Variants in GDF1 observed in about 807,000 individuals in gnomAD.
GDF1 encodes growth differentiation factor 1.
A neutral mutation model predicts 7.4 loss-of-function variants in GDF1; 8 were observed. The ratio of observed to expected loss-of-function variants is 1.09; its 90% CI spans 0.64 to 1.96. The LOEUF (loss-of-function observed/expected upper bound fraction) is 1.96. Ranked by LOEUF, GDF1 falls within the 30% of genes most tolerant of loss-of-function variation. The pLI, the probability that GDF1 is intolerant of heterozygous loss-of-function variation, is 0.00. For synonymous variants in GDF1, 311 were observed against 276.7 expected, an observed-to-expected ratio of 1.12 and a Z score of -1.23; for missense variants, 574 against 551.5, an observed-to-expected ratio of 1.04 and a Z score of -0.41.
chr19:18,875,233 CT>C (rs1252828028), intron 6 of GDF1, among the ~76,000 whole-genome samples: 3 of 140,846 alleles, frequency 2.1e-5, no homozygotes, highest in Non-Finnish European at 4.5e-5. Context: ...GGGACCGTCT[CT>C]AAAAAAAAAA....
Position 18,870,226 on chromosome 19 carries a change from G to A in GDF1, c.82C>T (p.Arg28Cys), listed in dbSNP as rs1601146689. The change falls in exon 7 of 8, where the codon CGC (arginine) becomes TGC (cysteine). Residue 28 changes from arginine to cysteine, a missense_variant. Physicochemically the swap from Arg to Cys is radical, Grantham distance 180. Coordinates refer to ENST00000247005, the MANE Select transcript of GDF1 (RefSeq NM_001492.6). This position sits in a 1 kb window ranked among gnomAD's most constrained non-coding sequence, Gnocchi z 5.1. The part of the protein sequence containing the change: ...ALLLPSLPLT[R>C]APVPPGPAAA... ...GCTGGGCCTGGGGGCACGGGGGCGCGGGTCAGGGGCAGCGAGGGCAGCAGC... is the reference window on the plus strand; with the variant it reads ...GCTGGGCCTGGGGGCACGGGGGCGCAGGTCAGGGGCAGCGAGGGCAGCAGC... 16 of 1,554,950 alleles carry A rather than the reference G, an allele frequency of 1.0e-5. No homozygotes were observed. Among genetic ancestry groups the A allele is most frequent in the Non-Finnish European group, 1.4e-5 (16 of 1,154,674 alleles).
chr19:18,888,811 CAA>C (rs2146052452), intron 2 of GDF1, among the ~76,000 whole-genome samples: 1 of 151,356 alleles, frequency 6.6e-6, no homozygotes, highest in Non-Finnish European at 1.5e-5. Context: ...GCCTGGGCAA[CAA>C]GAGCGAAACT....
Position 18,878,772 on chromosome 19 carries a change from T to A in GDF1, c.-313+158A>T. On this transcript the variant is annotated intron_variant, in intron 6 of 7. Transcript: ENST00000247005. This position sits in a 1 kb window ranked among gnomAD's most constrained non-coding sequence, Gnocchi z 4.6. ...GTCCTTCAGGGTACTGGCCACATCG[T>A]CCACGCCTTTATTGCAGTCTCTGTT... 6.9e-7 allele frequency: 1 copy of A among 1,450,872 alleles called. No individual in the cohort carries two copies. The highest frequency in any genetic ancestry group is 9.1e-7 in the Non-Finnish European group (1 of 1,101,130). 89.9% of individuals were successfully genotyped at this position (1,450,872 alleles called of 1,614,324 possible).
At position 18,869,998 on chromosome 19, in the gene GDF1, G is replaced by T; in HGVS notation, c.310C>A (p.His104Asn). 1 of 1,595,280 alleles carries T rather than the reference G, an allele frequency of 6.3e-7. No homozygotes were observed. Residue 104 changes from histidine (H) to asparagine (N), a missense_variant, in exon 7 of 8, where the codon CAC becomes AAC. Transcript: ENST00000247005. ...CCCCACTCACCGCGGTCCGGGATGT[G>T]GCGCACGATGTTTCCGGCGACCCCC... ...ELGVAGNIVR[H>N]IPDRGAPTRA...
rs954036926 is a variant in GDF1 at position 18,879,036 on chromosome 19, T to C, written c.-419A>G. Reference sequence around the variant, plus strand: ...AACACCTTGGCTGCAAACGCCACGATGTACTGCGAGAGGGGAGGGGAGGTG... The same window carrying C: ...AACACCTTGGCTGCAAACGCCACGACGTACTGCGAGAGGGGAGGGGAGGTG... On this transcript the variant is annotated 5_prime_UTR_variant, in exon 6 of 8. Transcript: ENST00000247005. 6.2e-7 allele frequency: 1 copy of C among 1,613,420 alleles called. No individual in the cohort carries two copies. Among genetic ancestry groups the C allele is most frequent in the Non-Finnish European group, 8.5e-7 (1 of 1,179,812 alleles).
intron 2 of GDF1, among the ~76,000 whole-genome samples, chr19:18,892,856 C>T (rs1006636421): frequency 4.6e-5 from 7 of 152,160 alleles, no homozygotes; most frequent in Non-Finnish European, 8.8e-5. Context: ...TTGGGGCTGG[C>T]TTAACTTCTG....
chr19:18,868,731 G>C lies in GDF1; in HGVS notation c.985C>G (p.Pro329Ala). 1 of 1,534,320 alleles carries C rather than the reference G, an allele frequency of 6.5e-7. No individual in the cohort carries two copies. The highest frequency in any genetic ancestry group is 8.8e-7 in the Non-Finnish European group (1 of 1,137,058). The part of the protein sequence containing the change: ...VLRALMHAAA[P>A]GAADLPCCVP... ...CAGCAGGGCAGGTCGGCGGCTCCCG[G>C]GGCGGCCGCGTGCATGAGCGCGCGC... Residue 329 changes from proline to alanine, a missense_variant, in exon 8 of 8, where the codon CCG becomes GCG. Pro to Ala is a conservative substitution (Grantham distance 27). Transcript: ENST00000247005.
Position 18,878,801 on chromosome 19 carries a change from GA to G in GDF1, c.-313+128del, listed in dbSNP as rs2056115234. 2 of 1,479,868 alleles carry G rather than the reference GA, an allele frequency of 1.4e-6. No individual in the cohort carries two copies. The highest frequency in any genetic ancestry group is 5.0e-5 in the East Asian group (2 of 40,216). 91.7% of individuals were successfully genotyped at this position (1,479,868 alleles called of 1,614,324 possible). A position where few individuals can be genotyped will look rare whatever the true frequency, so the allele number is the denominator to read the frequency against. ...CGCCTTTATTGCAGTCTCTGTTTTG[GA>G]GTAGGCTTGGGGGGCAGCATCCGCG... On this transcript the variant is annotated intron_variant, in intron 6 of 7. Transcript: ENST00000247005. The surrounding 1 kb of genome is among the most constrained non-coding windows in gnomAD (Gnocchi z 4.6).
At position 18,878,979 on chromosome 19, in the gene GDF1, G is replaced by T. The variant is rs770285954; in HGVS notation, c.-362C>A. 1 of 1,613,782 alleles carries T rather than the reference G, an allele frequency of 6.2e-7. No homozygotes were observed. Among genetic ancestry groups the T allele is most frequent in the East Asian group, 2.2e-5 (1 of 44,886 alleles). ...TGGGCCTCGGCTGTGTCATACTCCC[G>T]CAGGTCCTTCAGCTCGTGCACCTGG... On this transcript the variant is annotated 5_prime_UTR_variant, in exon 6 of 8. Transcript: ENST00000247005. This position sits in a 1 kb window ranked among gnomAD's most constrained non-coding sequence, Gnocchi z 4.6.
rs140175484 is a variant in GDF1 at position 18,877,463 on chromosome 19, G to A, written c.-313+1467C>T. ...CCTAGCTGATCTCTGGAGAATTCCC[G>A]ACTCAGGCCGGCTGCAGTGGCTCAT... is the stretch of plus-strand genomic sequence containing the variant. On this transcript the variant is annotated intron_variant, in intron 6 of 7. Transcript: ENST00000247005. Among the ~76,000 whole-genome samples the A allele has an allele frequency of 1.4e-4, 21 of 152,264 alleles. No homozygotes were observed. In the East Asian group the frequency reaches 1.7e-3, roughly 13 times the overall value.
In GDF1 at chr19:18,870,320, C is replaced by G; in HGVS notation, c.-13G>C. ...GCGGCGGTGGCATCTTCCTCCCAGG[C>G]GATGACCAGAGAGTGCGCAGGGTCC... On this transcript the variant is annotated 5_prime_UTR_variant, in exon 7 of 8. Coordinates refer to ENST00000247005, the MANE Select transcript of GDF1 (RefSeq NM_001492.6). This position sits in a 1 kb window ranked among gnomAD's most constrained non-coding sequence, Gnocchi z 5.1. 1 of 1,544,962 alleles carries G rather than the reference C, an allele frequency of 6.5e-7. No homozygotes were observed. Among genetic ancestry groups the G allele is most frequent in the Non-Finnish European group, 8.7e-7 (1 of 1,146,336 alleles).
At chr19:18,888,489 GC>G (rs2056413260) in intron 2 of GDF1, among the ~76,000 whole-genome samples, 1 of 132,042 alleles carries the variant, frequency 7.6e-6, no homozygotes, top group Non-Finnish European at 1.5e-5. Context: ...CCACACTCCA[GC>G]CTGGGCGACA....
chr19:18,885,527 T>G (rs1008577582), intron 2 of GDF1, among the ~76,000 whole-genome samples: 15 of 148,618 alleles, frequency 1.0e-4, no homozygotes, highest in Admixed American at 2.0e-4. Context: ...TTTTTTTTTT[T>G]TTTTTTTTTT....
intron 6 of GDF1, among the ~76,000 whole-genome samples, chr19:18,875,406 G>T (rs2145999952): frequency 6.6e-6 from 1 of 152,134 alleles, no homozygotes; most frequent in South Asian, 2.1e-4. Flanking sequence ...AGCTGGGTCT[G>T]GTGACACACG....
intron 2 of GDF1, among the ~76,000 whole-genome samples, chr19:18,886,937 T>C (rs560514825): frequency 1.3e-5 from 2 of 152,254 alleles, no homozygotes; most frequent in Admixed American, 6.5e-5. Flanking sequence ...CCCATGACTG[T>C]TTGTCCACTC....
chr19:18,893,900 G>T (rs2056560037), intron 1 of GDF1, among the ~76,000 whole-genome samples: 1 of 151,586 alleles, frequency 6.6e-6, no homozygotes, highest in Non-Finnish European at 1.5e-5. Context: ...GCCCAAGGGA[G>T]TTGGGCTGGT....
At chr19:18,872,933 A>G (rs1393269093) in intron 6 of GDF1, among the ~76,000 whole-genome samples, 1 of 152,226 alleles carries the variant, frequency 6.6e-6, no homozygotes, top group Non-Finnish European at 1.5e-5. Flanking sequence ...TATGGGCGTG[A>G]GCCACCATGC....
chr19:18,887,545 G>A (rs1016848744), intron 2 of GDF1, among the ~76,000 whole-genome samples: 1 of 152,148 alleles, frequency 6.6e-6, no homozygotes, highest in Non-Finnish European at 1.5e-5. Context: ...AGGAGTTGGA[G>A]ACCAGCCTGG....
At chr19:18,883,788 G>A (rs527570221) in intron 3 of GDF1, among the ~76,000 whole-genome samples, 2 of 152,256 alleles carry the variant, frequency 1.3e-5, no homozygotes, top group East Asian at 3.9e-4. Flanking sequence ...GCTGGTCAAG[G>A]GCAGCGTCTG....
Sources: allele counts gnomAD v4.1 joint callset (sites outside exome capture counted in the v4.1 genomes callset), GRCh38; gene constraint gnomAD v4.1.1; non-coding constraint Gnocchi (gnomAD v3.1); transcripts MANE v1.5; gene names NCBI Gene and HGNC (gene_info 2026-07-23, HGNC 2026-07-21).